Variants in STXBP4 observed in about 807,000 individuals in gnomAD.
The protein encoded by STXBP4 is syntaxin-binding protein 4.
Under a neutral mutation model 76.1 loss-of-function variants are expected in STXBP4, and 55 were observed. The ratio of observed to expected loss-of-function variants is 0.72; its 90% CI spans 0.58 to 0.91. STXBP4 has a LOEUF of 0.91. STXBP4 is among the 40% of genes least tolerant of loss of function. STXBP4 has a pLI of 0.00. For synonymous variants in STXBP4, 201 were observed against 220.2 expected, an observed-to-expected ratio of 0.91 and a Z score of 0.77; for missense variants, 618 against 636.9, an observed-to-expected ratio of 0.97 and a Z score of 0.32.
the STXBP4 span, among the ~76,000 whole-genome samples, chr17:55,211,496 T>A: frequency 6.6e-6 from 1 of 152,220 alleles, no homozygotes; most frequent in Non-Finnish European, 1.5e-5. Context: ...TCCTGTTATT[T>A]GTAAATTTTC....
At chr17:55,066,887 G>C (rs2079058367) in intron 12 of STXBP4, among the ~76,000 whole-genome samples, 2 of 152,024 alleles carry the variant, frequency 1.3e-5, no homozygotes, top group African/African-American at 4.8e-5. Flanking sequence ...CTCTAAAAAA[G>C]TAATATAATG....
At position 55,172,646 on chromosome 17, in the gene STXBP4, C is replaced by G. The variant is rs1247632168; in HGVS notation, c.*12735C>G. 1 of 152,156 alleles carries G rather than the reference C, an allele frequency of 6.6e-6. No individual in the cohort carries two copies. Among genetic ancestry groups the G allele is most frequent in the Admixed American group, 6.6e-5 (1 of 15,266 alleles). 9.4% of individuals were successfully genotyped at this position (152,156 alleles called of 1,614,324 possible). ...CCAACTCACATTTACATAGAAGTTA[C>G]AGTTTAAAGTTTGCATCTCGTAATA... On this transcript the variant is annotated 3_prime_UTR_variant, in exon 18 of 18. Transcript: ENST00000376352.
At chr17:55,104,308 C>A (rs893976939) in intron 16 of STXBP4, among the ~76,000 whole-genome samples, 1 of 152,088 alleles carries the variant, frequency 6.6e-6, no homozygotes, top group East Asian at 1.9e-4. Context: ...CCATCAATAC[C>A]TAGTTTATTG....
At position 55,112,831 on chromosome 17, in the gene STXBP4, T is replaced by A. The variant is rs368994959; in HGVS notation, c.1490-28479T>A. ...GCCAGATGAGGAGCAGTCAGGACGA[T>A]GGGAGCAAATGAAGAGTAGATGACT... On this transcript the variant is annotated intron_variant, in intron 16 of 17. Coordinates refer to ENST00000376352, the MANE Select transcript of STXBP4 (RefSeq NM_178509.6). Among the ~76,000 whole-genome samples the A allele has an allele frequency of 1.4e-3, 213 of 152,150 alleles. 1 individual carries two copies. The highest frequency in any genetic ancestry group is 4.9e-3 in the African/African-American group (204 of 41,532).
chr17:55,155,167 C>T (rs898253165), intron 17 of STXBP4, among the ~76,000 whole-genome samples: 2 of 152,074 alleles, frequency 1.3e-5, no homozygotes, highest in African/African-American at 4.8e-5. Flanking sequence ...GCAATTTTCT[C>T]TTAAACATAT....
intron 8 of STXBP4, among the ~76,000 whole-genome samples, chr17:55,025,397 C>T (rs958321777): frequency 2.0e-5 from 3 of 152,100 alleles, no homozygotes; most frequent in Middle Eastern, 3.4e-3. Context: ...CAAATAGTTC[C>T]GGCCCATCTA....
At chr17:55,198,570 A>G in the STXBP4 span, among the ~76,000 whole-genome samples, 1 of 152,246 alleles carries the variant, frequency 6.6e-6, no homozygotes, top group Non-Finnish European at 1.5e-5. Flanking sequence ...TTCTCTGGAG[A>G]TAGAACCCAT....
intron 16 of STXBP4, among the ~76,000 whole-genome samples, chr17:55,127,062 A>G (rs961934039): frequency 6.6e-6 from 1 of 152,188 alleles, no homozygotes; most frequent in African/African-American, 2.4e-5. Flanking sequence ...ACAAATGTAG[A>G]CAGCTGCATT....
chr17:54,999,301 A>T, intron 4 of STXBP4, 44 bp from the exon 5 acceptor site: 7 of 1,431,486 alleles, frequency 4.9e-6, no homozygotes, highest in East Asian at 2.3e-5. Context: ...ATTTTTTTTT[A>T]AATACCTCAT....
intron 8 of STXBP4, among the ~76,000 whole-genome samples, chr17:55,008,678 A>G (rs1365514705): frequency 2.6e-5 from 4 of 152,138 alleles, no homozygotes; most frequent in Non-Finnish European, 4.4e-5. Flanking sequence ...GGAGCATAGC[A>G]AGGCCTGTTT....
intron 17 of STXBP4, among the ~76,000 whole-genome samples, chr17:55,146,537 C>T (rs1310071974): frequency 6.6e-6 from 1 of 151,974 alleles, no homozygotes; most frequent in Non-Finnish European, 1.5e-5. Flanking sequence ...CGGTGAAACC[C>T]TGTCTCTACT....
At chr17:55,104,296 A>T (rs193255900) in intron 16 of STXBP4, among the ~76,000 whole-genome samples, 77 of 152,130 alleles carry the variant, frequency 5.1e-4, no homozygotes, top group Non-Finnish European at 7.4e-5. Context: ...TTGAGATATG[A>T]TCCATCAATA....
intron 16 of STXBP4, among the ~76,000 whole-genome samples, chr17:55,101,730 A>G (rs1339284446): frequency 2.6e-5 from 4 of 152,236 alleles, no homozygotes; most frequent in Admixed American, 6.5e-5. Flanking sequence ...GAGAATACAG[A>G]CATGAGTGAA....
intron 8 of STXBP4, among the ~76,000 whole-genome samples, chr17:55,016,148 C>T (rs1023074962): frequency 1.3e-5 from 2 of 152,156 alleles, no homozygotes; most frequent in Non-Finnish European, 2.9e-5. Flanking sequence ...AGCATTAGTC[C>T]TAGAGCGTCC....
rs1445384589 is a variant in STXBP4 at position 54,968,780 on chromosome 17, C to G, written c.-192C>G. The G allele has an allele frequency of 2.8e-6, 3 of 1,060,686 alleles. No individual in the cohort carries two copies. Among genetic ancestry groups the G allele is most frequent in the Non-Finnish European group, 4.1e-6 (3 of 737,024 alleles). 65.7% of individuals were successfully genotyped at this position (1,060,686 alleles called of 1,614,324 possible). On this transcript the variant is annotated 5_prime_UTR_variant, in exon 1 of 18. Transcript: ENST00000376352. ...CAGGCTCCTCAGGTGGCAGCGCTTGCAGTCGGGCTACGGAGGCCGGGTTGC... is the reference window on the plus strand; with the variant it reads ...CAGGCTCCTCAGGTGGCAGCGCTTGGAGTCGGGCTACGGAGGCCGGGTTGC...
At chr17:55,098,164 G>T (rs1042275139) in intron 16 of STXBP4, among the ~76,000 whole-genome samples, 1 of 152,016 alleles carries the variant, frequency 6.6e-6, no homozygotes, top group African/African-American at 2.4e-5. Context: ...CGATTTATAT[G>T]ATCTATCGTT....
intron 12 of STXBP4, among the ~76,000 whole-genome samples, chr17:55,064,752 C>T (rs1057027944): frequency 8.5e-5 from 13 of 152,242 alleles, no homozygotes; most frequent in Admixed American, 2.6e-4. Flanking sequence ...GATCCACCCA[C>T]CTCCGCCTCC....
chr17:55,204,837 CACACACAAACACACAT>C, the STXBP4 span, among the ~76,000 whole-genome samples: 1 of 34,034 alleles, frequency 2.9e-5, no homozygotes, highest in African/African-American at 6.3e-5. Context: ...CACACACACA[CACACACAAACACACAT>C]ACCCCTTCAA....
chr17:55,193,763 T>C, the STXBP4 span, among the ~76,000 whole-genome samples: 1 of 148,514 alleles, frequency 6.7e-6, no homozygotes, highest in Non-Finnish European at 1.5e-5. Context: ...CATCATTTAC[T>C]TCCTGGGCCT....
Sources: gnomAD v4.1 joint callset for allele counts (sites outside exome capture counted in the v4.1 genomes callset) on GRCh38, gnomAD v4.1.1 for gene constraint, MANE v1.5 for transcripts, NCBI Gene and HGNC (gene_info 2026-07-23, HGNC 2026-07-21) for gene names.